NRG1: variants seen among roughly 807,000 people sequenced by gnomAD.
The protein encoded by NRG1 is pro-neuregulin-1, membrane-bound isoform.
In NRG1, 18 loss-of-function variants were observed where a neutral mutation model predicts 63.8. That is an observed-to-expected ratio of 0.28 (90% CI 0.19 to 0.42). NRG1 has a LOEUF of 0.42. Among genes scored for constraint, NRG1 ranks in the 10% least tolerant of loss-of-function variants. The pLI is 1.00. For synonymous variants in NRG1, 302 were observed against 301.3 expected (o/e 1.00, Z -0.02); for missense variants, 762 against 814.7 (o/e 0.94, Z 0.79).
intron 1 of NRG1, among the ~76,000 whole-genome samples, chr8:32,152,687 A>C: frequency 6.6e-6 from 1 of 152,182 alleles, no homozygotes; most frequent in East Asian, 1.9e-4. Flanking sequence ...TATAGAAAGA[A>C]TTGTCCCAAA....
chr8:31,923,646 T>C (rs1270656757), intron 1 of NRG1, among the ~76,000 whole-genome samples: 1 of 152,224 alleles, frequency 6.6e-6, no homozygotes, highest in Non-Finnish European at 1.5e-5. Flanking sequence ...TTAGGGTTCT[T>C]CAGATTTTAC....
chr8:31,677,408 A>G (rs1240995415), intron 1 of NRG1, among the ~76,000 whole-genome samples: 5 of 152,200 alleles, frequency 3.3e-5, no homozygotes, highest in African/African-American at 9.7e-5. Context: ...TAGATTCTAT[A>G]TAGATATGGA....
intron 1 of NRG1, among the ~76,000 whole-genome samples, chr8:32,346,615 G>T (rs1204930747): frequency 2.0e-5 from 3 of 151,312 alleles, no homozygotes; most frequent in Non-Finnish European, 4.4e-5. Flanking sequence ...AATCCCTGTT[G>T]GATATTTTCC....
intron 1 of NRG1, among the ~76,000 whole-genome samples, chr8:31,723,564 A>G (rs1813132089): frequency 6.6e-6 from 1 of 152,020 alleles, no homozygotes; most frequent in African/African-American, 2.4e-5. Flanking sequence ...GGCTCAAGTC[A>G]TCTTCCCATC....
In NRG1 at chr8:32,760,180, C is replaced by T. The variant is rs1339047620; in HGVS notation, c.1053-20C>T. On this transcript the variant is annotated intron_variant, in intron 10 of 11. Coordinates refer to ENST00000356819, the Ensembl canonical transcript of NRG1. ...ATTTTTGCACGAAATATCTGATTGTCTCTCCCATTTCCTCCGCAGCTGGAG... is the reference window on the plus strand; with the variant it reads ...ATTTTTGCACGAAATATCTGATTGTTTCTCCCATTTCCTCCGCAGCTGGAG... 1.1e-5 allele frequency: 18 copies of T among 1,613,040 alleles called. No individual in the cohort carries two copies. The highest frequency in any genetic ancestry group is 2.2e-5 in the East Asian group (1 of 44,854).
intron 1 of NRG1, among the ~76,000 whole-genome samples, chr8:32,301,591 G>C (rs1563289629): frequency 1.3e-5 from 2 of 152,160 alleles, no homozygotes; most frequent in African/African-American, 4.8e-5. Context: ...AGGTTTATTG[G>C]AGTTACAGTT....
At chr8:32,220,256 G>T (rs918930900) in intron 1 of NRG1, among the ~76,000 whole-genome samples, 1 of 152,150 alleles carries the variant, frequency 6.6e-6, no homozygotes, top group African/African-American at 2.4e-5. Flanking sequence ...TAACTACAAG[G>T]ACTTGGCTTG....
intron 5 of NRG1, among the ~76,000 whole-genome samples, chr8:32,620,897 C>T (rs1848228802): frequency 6.6e-6 from 1 of 151,994 alleles, no homozygotes; most frequent in African/African-American, 2.4e-5. Context: ...AAGTCACTCA[C>T]CTACCCTTCT....
intron 1 of NRG1, among the ~76,000 whole-genome samples, chr8:31,773,632 C>A (rs181237353): frequency 6.6e-6 from 1 of 152,200 alleles, no homozygotes; most frequent in Non-Finnish European, 1.5e-5. Flanking sequence ...ATACCCATCA[C>A]AAAGCCTTTG....
intron 1 of NRG1, among the ~76,000 whole-genome samples, chr8:32,269,997 TA>T (rs1334550690): frequency 2.6e-5 from 4 of 152,146 alleles, no homozygotes; most frequent in Non-Finnish European, 5.9e-5. Context: ...TAAAGAAATA[TA>T]ACATCTGCTT....
chr8:32,077,973 C>T (rs906555825), intron 1 of NRG1, among the ~76,000 whole-genome samples: 1 of 152,184 alleles, frequency 6.6e-6, no homozygotes, highest in African/African-American at 2.4e-5. Context: ...ACTCAGAAGT[C>T]AGTAGGTCCA....
chr8:31,794,388 T>G (rs1476845090), intron 1 of NRG1, among the ~76,000 whole-genome samples: 1 of 151,796 alleles, frequency 6.6e-6, no homozygotes, highest in African/African-American at 2.4e-5. Flanking sequence ...TCTAGGATAT[T>G]GTTAGCTGTT....
intron 1 of NRG1, among the ~76,000 whole-genome samples, chr8:31,923,352 CAT>C (rs1480152100): frequency 6.6e-6 from 1 of 151,996 alleles, no homozygotes; most frequent in African/African-American, 2.4e-5. Flanking sequence ...TGCACACACA[CAT>C]ATAAATGAGT....
rs139496193 is a variant in NRG1 at position 32,088,744 on chromosome 8, T to C, written c.37+449313T>C. 7.6e-3 allele frequency among the ~76,000 whole-genome samples: 1,159 copies of C among 152,230 alleles called. 8 individuals are homozygous for C. The highest frequency in any genetic ancestry group is 0.014 in the Admixed American group (219 of 15,300). Reference sequence around the variant, plus strand: ...CACGTTGGCCAGGATGGTCTCAATCTCTTGACCTCATGATCCTCCTGCCTC... The same window carrying C: ...CACGTTGGCCAGGATGGTCTCAATCCCTTGACCTCATGATCCTCCTGCCTC... On this transcript the variant is annotated intron_variant, in intron 1 of 10. Coordinates refer to the NRG1 transcript ENST00000519301.
chr8:32,633,639 C>G (rs1177860346), intron 5 of NRG1, among the ~76,000 whole-genome samples: 4 of 152,160 alleles, frequency 2.6e-5, no homozygotes, highest in Non-Finnish European at 5.9e-5. Flanking sequence ...ACTATGGACT[C>G]TTACTTCTGA....
chr8:32,632,041 G>T (rs1180089079), intron 5 of NRG1, among the ~76,000 whole-genome samples: 1 of 152,088 alleles, frequency 6.6e-6, no homozygotes, highest in Admixed American at 6.5e-5. Flanking sequence ...AGTAAATAAT[G>T]CATATTTATA....
chr8:32,154,451 C>T (rs1204910291), intron 1 of NRG1, among the ~76,000 whole-genome samples: 1 of 151,894 alleles, frequency 6.6e-6, no homozygotes, highest in East Asian at 1.9e-4. Context: ...TCCTTCCTGG[C>T]ACCCCCCAGC....
intron 1 of NRG1, among the ~76,000 whole-genome samples, chr8:32,148,546 C>T (rs1163440694): frequency 5.3e-5 from 8 of 152,150 alleles, no homozygotes; most frequent in African/African-American, 1.9e-4. Context: ...CTACAGCCGC[C>T]CACCACCACG....
At chr8:32,700,581 T>C (rs1022100594) in intron 5 of NRG1, among the ~76,000 whole-genome samples, 1 of 152,186 alleles carries the variant, frequency 6.6e-6, no homozygotes, top group Non-Finnish European at 1.5e-5. Context: ...ACACAATAAA[T>C]CCTGGTTTTG....
Sources: gnomAD v4.1 joint callset for allele counts (sites outside exome capture counted in the v4.1 genomes callset) on GRCh38, gnomAD v4.1.1 for gene constraint, MANE v1.5 for transcripts, NCBI Gene and HGNC (gene_info 2026-07-23, HGNC 2026-07-21) for gene names.